Variants in MYLIP observed in about 807,000 individuals in gnomAD.
MYLIP encodes E3 ubiquitin-protein ligase MYLIP.
In MYLIP, 26 loss-of-function variants were observed where a neutral mutation model predicts 45.8. That is an observed-to-expected ratio of 0.57 (90% CI 0.42 to 0.79). The LOEUF (loss-of-function observed/expected upper bound fraction) is 0.79, where lower values mean the gene tolerates loss of function less well. Ranked by LOEUF, MYLIP falls within the 30% of genes least tolerant of loss-of-function variation. The probability of loss-of-function intolerance (pLI) is 0.00; values close to 1 mark genes in which losing one functional copy is unlikely to be tolerated. For missense variants in MYLIP, 494 were observed against 555.6 expected (o/e 0.89, Z 1.11); for synonymous variants, 213 against 218.1 (o/e 0.98, Z 0.21).
intron 2 of MYLIP, among the ~76,000 whole-genome samples, chr6:16,138,794 A>G (rs1759607542): frequency 6.6e-6 from 1 of 152,238 alleles, no homozygotes. Flanking sequence ...CAGAAAGCTG[A>G]TGTTGACAGT....
chr6:16,159,309 G>C, the MYLIP span, among the ~76,000 whole-genome samples: 1 of 152,152 alleles, frequency 6.6e-6, no homozygotes, highest in Non-Finnish European at 1.5e-5. Context: ...ACAAGCCCTG[G>C]CCCTGGGCAG....
Position 16,129,328 on chromosome 6 carries a change from G to C in MYLIP, c.6G>C (p.Leu2=). 1 of 1,572,970 alleles carries C rather than the reference G, an allele frequency of 6.4e-7. No homozygotes were observed. The highest frequency in any genetic ancestry group is 1.4e-5 in the African/African-American group (1 of 73,890). Residue 2 remains leucine, a synonymous_variant, in exon 1 of 7, where the codon CTG becomes CTC. Coordinates refer to ENST00000356840, the MANE Select transcript of MYLIP (RefSeq NM_013262.4). The surrounding 1 kb of genome is among the most constrained non-coding windows in gnomAD (Gnocchi z 5.1). M[L]CYVTRPDAVL... ...CGGCAGCGGCAGCCCCAGCCATGCT[G>C]TGTTATGTGACGAGGCCGGACGCGG... is the stretch of plus-strand genomic sequence containing the variant.
chr6:16,130,455 G>C, intron 1 of MYLIP, 102 bp from the exon 2 acceptor site: 1 of 1,204,980 alleles, frequency 8.3e-7, no homozygotes, highest in Non-Finnish European at 1.2e-6. Flanking sequence ...TAACACCATT[G>C]AACTTTGTAA....
At chr6:16,162,785 T>TAAAAAA in the MYLIP span, among the ~76,000 whole-genome samples, 49 of 69,550 alleles carry the variant, frequency 7.0e-4, no homozygotes, top group African/African-American at 1.5e-3. Context: ...ACCTCAACTC[T>TAAAAAA]AAAAAAAAAA....
At chr6:16,163,038 A>G in the MYLIP span, among the ~76,000 whole-genome samples, 2 of 152,086 alleles carry the variant, frequency 1.3e-5, no homozygotes. Context: ...GCTAGCGCAT[A>G]TGATGAGGAT....
downstream of MYLIP, among the ~76,000 whole-genome samples, chr6:16,152,502 T>G (rs1252789048): frequency 1.3e-5 from 2 of 152,140 alleles, no homozygotes; most frequent in African/African-American, 4.8e-5. Context: ...CCAAACCTCC[T>G]AAAATGTACA....
intron 2 of MYLIP, among the ~76,000 whole-genome samples, chr6:16,132,627 A>G (rs997652434): frequency 7.9e-5 from 12 of 152,304 alleles, no homozygotes; most frequent in South Asian, 6.2e-4. Context: ...AGTTTTAATA[A>G]CTAGATAAAG....
At chr6:16,132,627 AC>A (rs1318739159) in intron 2 of MYLIP, among the ~76,000 whole-genome samples, 1 of 152,186 alleles carries the variant, frequency 6.6e-6, no homozygotes, top group African/African-American at 2.4e-5. Flanking sequence ...AGTTTTAATA[AC>A]TAGATAAAGT....
chr6:16,140,894 A>G (rs1428365498), intron 2 of MYLIP, among the ~76,000 whole-genome samples: 1 of 152,228 alleles, frequency 6.6e-6, no homozygotes, highest in Non-Finnish European at 1.5e-5. Context: ...GCCTGCATGG[A>G]GTCTGGAGGA....
At chr6:16,153,351 C>T in the MYLIP span, among the ~76,000 whole-genome samples, 205 of 152,318 alleles carry the variant, frequency 1.3e-3, 1 homozygote, top group South Asian at 6.0e-3. Flanking sequence ...TTAGAACATG[C>T]TGCCTTTCCC....
Position 16,129,170 on chromosome 6 carries a change from G to A in MYLIP, c.-153G>A, listed in dbSNP as rs2113496963. On this transcript the variant is annotated 5_prime_UTR_variant, in exon 1 of 7. Coordinates refer to ENST00000356840, the MANE Select transcript of MYLIP (RefSeq NM_013262.4). This position sits in a 1 kb window ranked among gnomAD's most constrained non-coding sequence, Gnocchi z 5.1. The stretch of plus-strand genomic sequence containing the variant: ...GTGAGGGGGTGGCGGGGACGCGAGT[G>A]GCGGCCGCGGGGCCCCGGACAAGGG... The A allele has an allele frequency of 4.2e-6, 3 of 718,224 alleles. No individual in the cohort carries two copies. The highest frequency in any genetic ancestry group is 2.9e-5 in the East Asian group (1 of 34,202). 44.5% of individuals were successfully genotyped at this position (718,224 alleles called of 1,614,324 possible). A position where few individuals can be genotyped will look rare whatever the true frequency, so the allele number is the denominator to read the frequency against.
chr6:16,149,127 G>A (rs191822118), downstream of MYLIP, among the ~76,000 whole-genome samples: 627 of 152,250 alleles, frequency 4.1e-3, 4 homozygotes, highest in Admixed American at 7.5e-3. Context: ...AGCCTGTAAC[G>A]TGTACTTTTG....
chr6:16,150,953 G>A (rs926094961), downstream of MYLIP, among the ~76,000 whole-genome samples: 56 of 152,194 alleles, frequency 3.7e-4, no homozygotes, highest in Non-Finnish European at 4.3e-4. Flanking sequence ...AGGATCAGAC[G>A]CCCCACAGGA....
the MYLIP span, among the ~76,000 whole-genome samples, chr6:16,158,874 C>T: frequency 6.6e-6 from 1 of 151,592 alleles, no homozygotes. Flanking sequence ...CGTCTCAAAA[C>T]AAAACAAAAC....
At chr6:16,157,060 C>T in the MYLIP span, among the ~76,000 whole-genome samples, 2 of 152,230 alleles carry the variant, frequency 1.3e-5, no homozygotes, top group African/African-American at 2.4e-5. Context: ...GTCCCTGTCC[C>T]ACCTGCCATC....
chr6:16,162,021 T>A, the MYLIP span, among the ~76,000 whole-genome samples: 1 of 152,250 alleles, frequency 6.6e-6, no homozygotes, highest in Non-Finnish European at 1.5e-5. Flanking sequence ...AGCAAAATAG[T>A]TTCCTACAGG....
chr6:16,163,570 G>A, the MYLIP span: 3 of 152,114 alleles, frequency 2.0e-5, no homozygotes, highest in Admixed American at 1.3e-4. Context: ...TGCTGGATGC[G>A]AAACACTCAA....
chr6:16,162,701 G>A, the MYLIP span, among the ~76,000 whole-genome samples: 55 of 149,022 alleles, frequency 3.7e-4, no homozygotes, highest in Middle Eastern at 3.4e-3. Context: ...CTATAATCCC[G>A]GCACTTTGGA....
At chr6:16,137,159 G>A (rs1187737791) in intron 2 of MYLIP, among the ~76,000 whole-genome samples, 1 of 152,188 alleles carries the variant, frequency 6.6e-6, no homozygotes, top group African/African-American at 2.4e-5. Flanking sequence ...TTTACATTTA[G>A]ACCCGTGATC....
Sources: allele counts gnomAD v4.1 joint callset (sites outside exome capture counted in the v4.1 genomes callset), GRCh38; gene constraint gnomAD v4.1.1; non-coding constraint Gnocchi (gnomAD v3.1); transcripts MANE v1.5; gene names NCBI Gene and HGNC (gene_info 2026-07-23, HGNC 2026-07-21).